UBE2O: variants seen among roughly 807,000 people sequenced by gnomAD.
UBE2O encodes the protein (E3-independent) E2 ubiquitin-conjugating enzyme.
A neutral mutation model predicts 125.8 loss-of-function variants in UBE2O; 15 were observed. The ratio of observed to expected loss-of-function variants is 0.12; its 90% CI spans 0.08 to 0.18. The LOEUF (loss-of-function observed/expected upper bound fraction) is 0.18. Ranked by LOEUF, UBE2O falls within the 10% of genes least tolerant of loss-of-function variation. The pLI is 1.00. For synonymous variants in UBE2O, 708 were observed against 703.2 expected (o/e 1.01, Z -0.11); for missense variants, 1,280 against 1,723.6 (o/e 0.74, Z 4.56).
In UBE2O at chr17:76,402,570, A is replaced by G. The variant is rs758625503; in HGVS notation, c.686+32T>C. 6.3e-7 allele frequency: 1 copy of G among 1,590,720 alleles called. No homozygotes were observed. Among genetic ancestry groups the G allele is most frequent in the Admixed American group, 1.7e-5 (1 of 59,962 alleles). ...CTCTTTCCAAGAGGCTATCCTTCCC[A>G]AGCCGATGGCTCTCTGGTGGTGAGA... On this transcript the variant is annotated intron_variant, in intron 4 of 17. Coordinates refer to ENST00000319380, the MANE Select transcript of UBE2O (RefSeq NM_022066.4). This position sits in a 1 kb window ranked among gnomAD's most constrained non-coding sequence, Gnocchi z 5.4.
At chr17:76,418,633 G>T (rs1019914706) in intron 1 of UBE2O, among the ~76,000 whole-genome samples, 2 of 151,084 alleles carry the variant, frequency 1.3e-5, no homozygotes, top group Non-Finnish European at 2.9e-5. Context: ...GCAGTGGCGC[G>T]ATCTCGGCTC....
At position 76,402,697 on chromosome 17, in the gene UBE2O, G is replaced by A. The variant is rs2072349971; in HGVS notation, c.591C>T (p.Pro197=). The change falls in exon 4 of 18, where the codon CCC becomes CCT. Residue 197 remains proline (P), a splice_region_variant and synonymous_variant. Coordinates refer to ENST00000319380, the MANE Select transcript of UBE2O (RefSeq NM_022066.4). The surrounding 1 kb of genome is among the most constrained non-coding windows in gnomAD (Gnocchi z 5.4). ...VNSKDLQHIW[P]FMYGDYIAYD... is the part of the protein sequence containing the mutation. ...AGGCAATGTAGTCCCCATACATGAAGGGCTGCAGACCAAGGAGGCAGGGGC... is the reference window on the plus strand; with the variant it reads ...AGGCAATGTAGTCCCCATACATGAAAGGCTGCAGACCAAGGAGGCAGGGGC... 1 of 1,613,990 alleles carries A rather than the reference G, an allele frequency of 6.2e-7. No homozygotes were observed. Among genetic ancestry groups the A allele is most frequent in the African/African-American group, 1.3e-5 (1 of 75,052 alleles).
intron 1 of UBE2O, among the ~76,000 whole-genome samples, chr17:76,413,885 G>C (rs536409667): frequency 7.9e-5 from 12 of 152,324 alleles, no homozygotes; most frequent in Non-Finnish European, 1.6e-4. Context: ...AAAACCAGGA[G>C]AGGCAGAAAA....
chr17:76,448,306 T>A (rs1368280874), intron 1 of UBE2O, among the ~76,000 whole-genome samples: 2 of 152,206 alleles, frequency 1.3e-5, no homozygotes, highest in African/African-American at 4.8e-5. Flanking sequence ...TAGTCCTGCA[T>A]CTTGGTTAAC....
chr17:76,440,452 T>G lies in UBE2O; in HGVS notation c.417+12273A>C, dbSNP rs562391128. On this transcript the variant is annotated intron_variant, in intron 1 of 17. Coordinates refer to ENST00000319380, the MANE Select transcript of UBE2O (RefSeq NM_022066.4). ...AAGCGATCCTCTCACCTCAGCCTAC[T>G]GAGTAGTTGGGACTACAGGCGTAAG... Among the ~76,000 whole-genome samples, 10 of 152,326 alleles carry G rather than the reference T, an allele frequency of 6.6e-5. No homozygotes were observed. In the South Asian group the frequency reaches 2.1e-3, roughly 32 times the overall value.
intron 1 of UBE2O, among the ~76,000 whole-genome samples, chr17:76,424,154 C>T (rs528900870): frequency 3.3e-5 from 5 of 151,130 alleles, no homozygotes; most frequent in African/African-American, 1.2e-4. Context: ...GTGATCCGTC[C>T]GTCTCGGCCT....
In UBE2O at chr17:76,452,737, C is replaced by T. The variant is rs779035081; in HGVS notation, c.405G>A (p.Val135=). Residue 135 remains valine (V), a synonymous_variant, in exon 1 of 18, where the codon GTG becomes GTA. Transcript: ENST00000319380. This position sits in a 1 kb window ranked among gnomAD's most constrained non-coding sequence, Gnocchi z 4.4. The part of the protein sequence containing the change: ...QWYPEGVKQH[V]KETKLKLEDR... ...CCGCCCGCCGCACCTTGGTCTCCTT[C>T]ACATGCTGCTTGACGCCCTCCGGGT... 6.7e-7 allele frequency: 1 copy of T among 1,492,894 alleles called. No individual in the cohort carries two copies. Among genetic ancestry groups the T allele is most frequent in the African/African-American group, 1.4e-5 (1 of 69,276 alleles). 92.5% of individuals were successfully genotyped at this position (1,492,894 alleles called of 1,614,324 possible).
At chr17:76,442,694 G>C (rs188046104) in intron 1 of UBE2O, among the ~76,000 whole-genome samples, 2 of 152,330 alleles carry the variant, frequency 1.3e-5, no homozygotes, top group East Asian at 3.9e-4. Flanking sequence ...GATAGAGCAG[G>C]ATGTGTAGGT....
rs1442094292 is a variant in UBE2O, at chr17:76,400,968, G to A, written c.894+43C>T. ...GGGCAGCAGCTCAGCTCCAGGGTGTGGAGGTCAAGGACTCCATCTCCTACC... is the reference window on the plus strand; with the variant it reads ...GGGCAGCAGCTCAGCTCCAGGGTGTAGAGGTCAAGGACTCCATCTCCTACC... On this transcript the variant is annotated intron_variant, in intron 6 of 17. Transcript: ENST00000319380. The surrounding 1 kb of genome is among the most constrained non-coding windows in gnomAD (Gnocchi z 4.3). 2 of 1,608,148 alleles carry A rather than the reference G, an allele frequency of 1.2e-6. No individual in the cohort carries two copies. Among genetic ancestry groups the A allele is most frequent in the African/African-American group, 2.7e-5 (2 of 74,940 alleles).
At position 76,397,724 on chromosome 17, in the gene UBE2O, G is replaced by A. The variant is rs531063527; in HGVS notation, c.2115+75C>T. On this transcript the variant is annotated intron_variant, in intron 13 of 17. Coordinates refer to ENST00000319380, the MANE Select transcript of UBE2O (RefSeq NM_022066.4). ...AGGAAGACCTGAGAGCCCATCTTCT[G>A]GCTACACGCCTGTGGCCCCCGGCCC... is the stretch of plus-strand genomic sequence containing the variant. 7.0e-6 allele frequency: 10 copies of A among 1,423,376 alleles called. No homozygotes were observed. The East Asian group carries it at 2.3e-4, about 32-fold the overall frequency. 88.2% of individuals were successfully genotyped at this position (1,423,376 alleles called of 1,614,324 possible).
chr17:76,417,157 C>T (rs2065405454), intron 1 of UBE2O, among the ~76,000 whole-genome samples: 1 of 152,208 alleles, frequency 6.6e-6, no homozygotes, highest in Admixed American at 6.5e-5. Context: ...GTCCCCTAAA[C>T]ACCTCCTGGG....
In UBE2O at chr17:76,391,755, C is replaced by T; in HGVS notation, c.3208+1G>A. On this transcript the variant is annotated splice_donor_variant, in intron 17 of 17. Transcript: ENST00000319380. LOFTEE classifies it high-confidence loss of function. The surrounding 1 kb of genome is among the most constrained non-coding windows in gnomAD (Gnocchi z 8.4). Reference sequence around the variant, plus strand: ...GCACCCCCGCTTCAGCCCAACTGTACCTTGGATGGAGATGAGCACCTGGAG... The same window carrying T: ...GCACCCCCGCTTCAGCCCAACTGTATCTTGGATGGAGATGAGCACCTGGAG... 6.2e-7 allele frequency: 1 copy of T among 1,614,138 alleles called. No homozygotes were observed. Among genetic ancestry groups the T allele is most frequent in the Non-Finnish European group, 8.5e-7 (1 of 1,180,010 alleles).
In UBE2O at chr17:76,399,284, C is replaced by T. The variant is rs2072272667; in HGVS notation, c.1628+165G>A. 1 of 786,420 alleles carries T rather than the reference C, an allele frequency of 1.3e-6. No individual in the cohort carries two copies. Among genetic ancestry groups the T allele is most frequent in the East Asian group, 2.6e-5 (1 of 38,798 alleles). 48.7% of individuals were successfully genotyped at this position (786,420 alleles called of 1,614,324 possible). A position where few individuals can be genotyped will look rare whatever the true frequency, so the allele number is the denominator to read the frequency against. On this transcript the variant is annotated intron_variant, in intron 9 of 17. Coordinates refer to ENST00000319380, the MANE Select transcript of UBE2O (RefSeq NM_022066.4). The surrounding 1 kb of genome is among the most constrained non-coding windows in gnomAD (Gnocchi z 6.9). ...ACCACTCCTCAGTCTCTGCTTTCCACCAGGGCCTACCCCAGGCACCTACGT... is the reference window on the plus strand; with the variant it reads ...ACCACTCCTCAGTCTCTGCTTTCCATCAGGGCCTACCCCAGGCACCTACGT...
chr17:76,447,401 C>T (rs553601037), intron 1 of UBE2O, among the ~76,000 whole-genome samples: 1 of 152,224 alleles, frequency 6.6e-6, no homozygotes, highest in Non-Finnish European at 1.5e-5. Flanking sequence ...AGTAAAACAT[C>T]TAAAGCACTA....
intron 15 of UBE2O, among the ~76,000 whole-genome samples, chr17:76,394,298 C>T (rs967876261): frequency 2.6e-5 from 4 of 152,142 alleles, no homozygotes; most frequent in East Asian, 1.9e-4. Context: ...GTGCTTGGCT[C>T]GATGCACAGG....
intron 1 of UBE2O, among the ~76,000 whole-genome samples, chr17:76,446,458 CAAACAA>C (rs1386181365): frequency 8.5e-6 from 1 of 118,248 alleles, no homozygotes; most frequent in Non-Finnish European, 1.7e-5. Context: ...AAAACAAAAA[CAAACAA>C]AAAAAAAAAC....
chr17:76,416,744 G>A (rs4462625), intron 1 of UBE2O, among the ~76,000 whole-genome samples: 80,406 of 151,562 alleles, frequency 0.53, 23,275 homozygotes, highest in South Asian at 0.67. Context: ...TCTTGGCTGG[G>A]TCATTAGGTC....
rs66834782 is a variant in UBE2O at position 76,406,692 on chromosome 17, G to GTTTTTT, written c.418-1126_418-1121dup. Among the ~76,000 whole-genome samples the GTTTTTT allele has an allele frequency of 1.8e-3, 127 of 70,914 alleles. 2 individuals carry two copies. The highest frequency in any genetic ancestry group is 3.4e-3 in the African/African-American group (56 of 16,644). 46.5% of individuals were successfully genotyped at this position (70,914 alleles called of 152,430 possible). A position where few individuals can be genotyped will look rare whatever the true frequency, so the allele number is the denominator to read the frequency against. ...CCATGGGAACTCATGAGCCCAAGTT[G>GTTTTTT]TTTTTTTTTTTTTTTTTTTTTTTTT... On this transcript the variant is annotated intron_variant, in intron 1 of 17. Coordinates refer to ENST00000319380, the MANE Select transcript of UBE2O (RefSeq NM_022066.4).
At chr17:76,427,929 T>A (rs1290987603) in intron 1 of UBE2O, among the ~76,000 whole-genome samples, 3 of 152,176 alleles carry the variant, frequency 2.0e-5, no homozygotes, top group African/African-American at 7.2e-5. Context: ...CTATTATTGT[T>A]AGGGTCGATT....
Sources: allele counts gnomAD v4.1 joint callset (sites outside exome capture counted in the v4.1 genomes callset), GRCh38; gene constraint gnomAD v4.1.1; non-coding constraint Gnocchi (gnomAD v3.1); transcripts MANE v1.5; gene names NCBI Gene and HGNC (gene_info 2026-07-23, HGNC 2026-07-21).